Variants in KCNQ5 observed in about 807,000 individuals in gnomAD.
KCNQ5 encodes potassium voltage-gated channel subfamily KQT member 5.
In KCNQ5, 30 loss-of-function variants were observed where a neutral mutation model predicts 98.2. The observed-to-expected ratio is 0.31, with a 90% CI of 0.23 to 0.41. KCNQ5 has a LOEUF of 0.41. KCNQ5 is among the 10% of genes least tolerant of loss of function. The pLI, the probability that KCNQ5 is intolerant of heterozygous loss-of-function variation, is 1.00. For missense variants in KCNQ5, 835 were observed against 1,182.5 expected (o/e 0.71, Z 4.31); for synonymous variants, 458 against 449.4 (o/e 1.02, Z -0.24).
At chr6:72,987,847 T>G (rs186608113) in intron 1 of KCNQ5, 8 of 367,164 alleles carry the variant, frequency 2.2e-5, no homozygotes, top group East Asian at 1.9e-4. Context: ...AATCAGATCT[T>G]GGTGATGACC....
intron 1 of KCNQ5, among the ~76,000 whole-genome samples, chr6:72,849,841 A>G (rs1008152902): frequency 6.6e-6 from 1 of 151,900 alleles, no homozygotes; most frequent in African/African-American, 2.4e-5. Flanking sequence ...TTCTCTCTCT[A>G]CTCAGTGGTG....
At chr6:72,830,279 A>C (rs1204623575) in intron 1 of KCNQ5, among the ~76,000 whole-genome samples, 1 of 152,200 alleles carries the variant, frequency 6.6e-6, no homozygotes, top group African/African-American at 2.4e-5. Flanking sequence ...TTGCCAAGAC[A>C]ATCCTAAGCC....
At chr6:73,030,792 C>T (rs1771111387) in intron 2 of KCNQ5, among the ~76,000 whole-genome samples, 1 of 152,166 alleles carries the variant, frequency 6.6e-6, no homozygotes, top group South Asian at 2.1e-4. Context: ...CAACACTACC[C>T]TGCCAATACC....
intron 3 of KCNQ5, among the ~76,000 whole-genome samples, chr6:73,073,663 T>C (rs1218508915): frequency 6.6e-6 from 1 of 152,212 alleles, no homozygotes; most frequent in East Asian, 1.9e-4. Flanking sequence ...TTAATACAAG[T>C]GTCTAATATA....
At chr6:72,977,450 A>G (rs7764554) in intron 1 of KCNQ5, among the ~76,000 whole-genome samples, 17,252 of 152,204 alleles carry the variant, frequency 0.11, 1,319 homozygotes, top group East Asian at 0.2. Context: ...TCTTGTGAGG[A>G]TCTTAAAAGC....
intron 1 of KCNQ5, among the ~76,000 whole-genome samples, chr6:72,658,868 C>T (rs76217338): frequency 0.036 from 5,519 of 152,172 alleles, 136 homozygotes; most frequent in South Asian, 0.098. Flanking sequence ...GCATGAGCCA[C>T]CTCGCCCAGC....
chr6:72,835,179 T>C (rs964502621), intron 1 of KCNQ5, among the ~76,000 whole-genome samples: 2 of 152,072 alleles, frequency 1.3e-5, no homozygotes, highest in African/African-American at 4.8e-5. Context: ...TCCCCATCAC[T>C]AACCATAGTG....
intron 1 of KCNQ5, among the ~76,000 whole-genome samples, chr6:72,927,845 C>CA (rs982146865): frequency 6.6e-6 from 1 of 151,726 alleles, no homozygotes; most frequent in African/African-American, 2.4e-5. Context: ...CTTGTTTTCG[C>CA]AAAAGATAGA....
In KCNQ5 at chr6:73,145,818, T is replaced by C. The variant is rs927171593; in HGVS notation, c.1468+12177T>C. Among the ~76,000 whole-genome samples the C allele has an allele frequency of 5.9e-5, 9 of 152,292 alleles. 1 individual carries two copies. Among genetic ancestry groups the C allele is most frequent in the Admixed American group, 2.0e-4 (3 of 15,302 alleles). ...AAAGAAAAGTTTAATTGACTCACAG[T>C]TCCACAACCTGTACAGGAAGCACGC... is the stretch of plus-strand genomic sequence containing the variant. On this transcript the variant is annotated intron_variant, in intron 10 of 13. Transcript: ENST00000370398.
chr6:72,706,716 T>A (rs1166064710), intron 1 of KCNQ5, among the ~76,000 whole-genome samples: 1 of 152,116 alleles, frequency 6.6e-6, no homozygotes, highest in Non-Finnish European at 1.5e-5. Flanking sequence ...CTTCTACATA[T>A]CTGAATGAAA....
chr6:72,978,734 T>G (rs1768278128), intron 1 of KCNQ5, among the ~76,000 whole-genome samples: 8 of 152,264 alleles, frequency 5.3e-5, no homozygotes. Flanking sequence ...ACGTGCAGGT[T>G]TGTTACATAT....
At chr6:73,004,033 T>G in intron 2 of KCNQ5, 35 bp downstream of exon 2, 1 of 1,256,746 alleles carries the variant, frequency 8.0e-7, no homozygotes, top group Non-Finnish European at 1.2e-6. Context: ...TACATGAATG[T>G]TGTATAAGAA....
At position 72,622,347 on chromosome 6, in the gene KCNQ5, C is replaced by T; in HGVS notation, c.158C>T (p.Ala53Val). The T allele has an allele frequency of 7.0e-7, 1 of 1,431,920 alleles. No homozygotes were observed. 88.7% of individuals were successfully genotyped at this position (1,431,920 alleles called of 1,614,324 possible). The change falls in exon 1 of 14, where the codon GCC becomes GTC. Residue 53 changes from alanine (A) to valine (V), a missense_variant. This residue lies in a region of KCNQ5 where 21 missense variants were observed against 43.9 expected (regional missense o/e 0.48). Transcript: ENST00000370398. This position sits in a 1 kb window ranked among gnomAD's most constrained non-coding sequence, Gnocchi z 6.0. Reference protein sequence around the residue: ...RGRVLLNSAAARGDGLLLLGT... With the variant: ...RGRVLLNSAAVRGDGLLLLGT... Reference sequence around the variant, plus strand: ...AGGGTGCTGCTGAACTCGGCAGCCGCCAGGGGCGACGGCCTGCTACTGCTG... The same window carrying T: ...AGGGTGCTGCTGAACTCGGCAGCCGTCAGGGGCGACGGCCTGCTACTGCTG...
intron 5 of KCNQ5, among the ~76,000 whole-genome samples, chr6:73,101,897 A>C (rs1252555028): frequency 2.0e-5 from 3 of 152,208 alleles, no homozygotes; most frequent in African/African-American, 7.2e-5. Flanking sequence ...TGGAAAAAAC[A>C]GTGCTAAAAT....
chr6:72,673,007 A>G (rs1486172262), intron 1 of KCNQ5, among the ~76,000 whole-genome samples: 2 of 152,206 alleles, frequency 1.3e-5, no homozygotes, highest in African/African-American at 4.8e-5. Flanking sequence ...AGACTAGGAG[A>G]GTTCAGCATG....
Position 72,622,621 on chromosome 6 carries a change from A to T in KCNQ5, c.398+34A>T. The T allele has an allele frequency of 6.2e-7, 1 of 1,608,494 alleles. No homozygotes were observed. Among genetic ancestry groups the T allele is most frequent in the Non-Finnish European group, 8.5e-7 (1 of 1,177,714 alleles). ...CCGCGCCCCCTGCTATGCCCGCTGC[A>T]GGGGACCACTGTCCCTGGCCCCCTG... On this transcript the variant is annotated intron_variant, in intron 1 of 13. Transcript: ENST00000370398. This position sits in a 1 kb window ranked among gnomAD's most constrained non-coding sequence, Gnocchi z 6.0.
chr6:72,805,497 C>T (rs866264720), intron 1 of KCNQ5, among the ~76,000 whole-genome samples: 2 of 152,008 alleles, frequency 1.3e-5, no homozygotes, highest in African/African-American at 2.4e-5. Context: ...GGATTTGTTT[C>T]TGGGTTCTCT....
chr6:73,111,545 G>A (rs955479332), intron 7 of KCNQ5, 142 bp downstream of exon 7: 2 of 651,722 alleles, frequency 3.1e-6, no homozygotes, highest in African/African-American at 3.6e-5. Context: ...TTAATGTACA[G>A]TCTTGGATTT....
chr6:73,180,032 C>A (rs1231081802), intron 11 of KCNQ5, among the ~76,000 whole-genome samples: 1 of 152,170 alleles, frequency 6.6e-6, no homozygotes, highest in Non-Finnish European at 1.5e-5. Flanking sequence ...TGGACAAATT[C>A]TCGAGTCCCA....
Sources: allele counts gnomAD v4.1 joint callset (sites outside exome capture counted in the v4.1 genomes callset), GRCh38; gene constraint gnomAD v4.1.1; regional missense constraint gnomAD v4.1.1; non-coding constraint Gnocchi (gnomAD v3.1); transcripts MANE v1.5; gene names NCBI Gene and HGNC (gene_info 2026-07-23, HGNC 2026-07-21).